The following DLG1 variants were observed in gnomAD, a reference collection of about 807,000 sequenced individuals.
DLG1 encodes the protein disks large homolog 1.
Under a neutral mutation model 123.4 loss-of-function variants are expected in DLG1, and 42 were observed. That is an observed-to-expected ratio of 0.34 (90% CI 0.27 to 0.44). The LOEUF (loss-of-function observed/expected upper bound fraction) is 0.44, where lower values mean the gene tolerates loss of function less well. Among genes scored for constraint, DLG1 ranks in the 20% least tolerant of loss-of-function variants. DLG1 has a pLI of 1.00. For synonymous variants in DLG1, 317 were observed against 356.2 expected, an observed-to-expected ratio of 0.89 and a Z score of 1.24; for missense variants, 942 against 1,082.6, an observed-to-expected ratio of 0.87 and a Z score of 1.82.
At chr3:197,185,046 C>A (rs1022367588) in intron 5 of DLG1, among the ~76,000 whole-genome samples, 2 of 152,182 alleles carry the variant, frequency 1.3e-5, no homozygotes, top group African/African-American at 4.8e-5. Context: ...AACTCCCAAG[C>A]AAGCCCTCTT....
At chr3:197,134,648 T>C (rs1292723144) in intron 10 of DLG1, among the ~76,000 whole-genome samples, 2 of 152,236 alleles carry the variant, frequency 1.3e-5, no homozygotes, top group African/African-American at 2.4e-5. Context: ...ACTACTTTCA[T>C]CTTGTCTCCT....
chr3:197,084,465 C>T (rs1029345602), intron 16 of DLG1, among the ~76,000 whole-genome samples: 5 of 151,960 alleles, frequency 3.3e-5, no homozygotes, highest in Middle Eastern at 3.4e-3. Flanking sequence ...GCGCCCGCCA[C>T]CACACCCAGC....
intron 14 of DLG1, among the ~76,000 whole-genome samples, chr3:197,095,236 T>C (rs1193203184): frequency 6.6e-6 from 1 of 152,186 alleles, no homozygotes; most frequent in African/African-American, 2.4e-5. Context: ...CCTACAGATA[T>C]TTTCCTATAT....
intron 5 of DLG1, among the ~76,000 whole-genome samples, chr3:197,159,046 C>A (rs1418442886): frequency 1.3e-5 from 2 of 152,186 alleles, no homozygotes; most frequent in African/African-American, 4.8e-5. Flanking sequence ...GTCACCTACT[C>A]TGTACTCAGT....
chr3:197,099,885 T>C (rs565580143), intron 14 of DLG1, among the ~76,000 whole-genome samples: 11 of 152,248 alleles, frequency 7.2e-5, no homozygotes, highest in Admixed American at 2.6e-4. Context: ...GTACAATAGC[T>C]CTCTGGCATA....
chr3:197,262,028 G>A (rs1166462194), intron 4 of DLG1, among the ~76,000 whole-genome samples: 1 of 152,192 alleles, frequency 6.6e-6, no homozygotes, highest in African/African-American at 2.4e-5. Context: ...TTCTGTCAGA[G>A]TGCCTAAAAC....
intron 4 of DLG1, among the ~76,000 whole-genome samples, chr3:197,251,572 C>T (rs1386397163): frequency 2.0e-5 from 3 of 152,106 alleles, no homozygotes; most frequent in Admixed American, 6.6e-5. Flanking sequence ...GCTGGGAACA[C>T]TGGATATCCA....
chr3:197,201,348 C>T (rs181873188), intron 4 of DLG1, among the ~76,000 whole-genome samples: 3 of 152,164 alleles, frequency 2.0e-5, no homozygotes, highest in Non-Finnish European at 2.9e-5. Context: ...CGCGCCACTG[C>T]GCTCCAGCCT....
chr3:197,150,417 G>A (rs1356237362), intron 5 of DLG1, among the ~76,000 whole-genome samples: 1 of 151,596 alleles, frequency 6.6e-6, no homozygotes, highest in Non-Finnish European at 1.5e-5. Context: ...AGTTAAGTTT[G>A]GATTGAAAAA....
At chr3:197,130,073 G>C (rs1401592569) in intron 11 of DLG1, among the ~76,000 whole-genome samples, 1 of 152,126 alleles carries the variant, frequency 6.6e-6, no homozygotes, top group Non-Finnish European at 1.5e-5. Flanking sequence ...GCTCAATTCA[G>C]GATTGCCATA....
chr3:197,246,260 A>AG (rs1485925468), intron 4 of DLG1, among the ~76,000 whole-genome samples: 1 of 152,098 alleles, frequency 6.6e-6, no homozygotes, highest in East Asian at 1.9e-4. Flanking sequence ...TTGTTTTGAA[A>AG]GGGGTCCCTT....
At chr3:197,202,925 G>C (rs1353036390) in intron 4 of DLG1, among the ~76,000 whole-genome samples, 1 of 152,158 alleles carries the variant, frequency 6.6e-6, no homozygotes, top group Non-Finnish European at 1.5e-5. Context: ...TGTTAGATTT[G>C]TCTTAACAGT....
chr3:197,223,497 T>C (rs1405793473), intron 4 of DLG1, among the ~76,000 whole-genome samples: 2 of 152,210 alleles, frequency 1.3e-5, no homozygotes, highest in Admixed American at 6.5e-5. Context: ...CAAGGTGGTG[T>C]TTTTATTCCT....
chr3:197,078,187 G>A (rs1395659430), intron 17 of DLG1, among the ~76,000 whole-genome samples: 1 of 150,640 alleles, frequency 6.6e-6, no homozygotes, highest in African/African-American at 2.4e-5. Flanking sequence ...AGTGGTGTGC[G>A]ACTGTAGTCT....
intron 5 of DLG1, among the ~76,000 whole-genome samples, chr3:197,185,712 T>C (rs539522405): frequency 2.0e-5 from 3 of 152,332 alleles, no homozygotes; most frequent in African/African-American, 7.2e-5. Context: ...CCTTGATCCA[T>C]GTCTGATGAA....
intron 4 of DLG1, among the ~76,000 whole-genome samples, chr3:197,243,176 G>T (rs1749836580): frequency 6.6e-6 from 1 of 152,112 alleles, no homozygotes; most frequent in African/African-American, 2.4e-5. Context: ...AATCTAAACT[G>T]ATTCCGACTG....
At chr3:197,168,140 G>A (rs1428648914) in intron 5 of DLG1, among the ~76,000 whole-genome samples, 1 of 152,094 alleles carries the variant, frequency 6.6e-6, no homozygotes, top group African/African-American at 2.4e-5. Flanking sequence ...CTCTGTCTCT[G>A]AGCCTCTTCT....
At chr3:197,229,331 A>C (rs1028757974) in intron 4 of DLG1, among the ~76,000 whole-genome samples, 1 of 151,962 alleles carries the variant, frequency 6.6e-6, no homozygotes, top group Admixed American at 6.6e-5. Context: ...CATCTCTAAA[A>C]AAAATATAAA....
At chr3:197,282,964 T>C in intron 3 of DLG1, 119 bp from the exon 4 acceptor site, 2 of 561,590 alleles carry the variant, frequency 3.6e-6, no homozygotes, top group Middle Eastern at 4.8e-4. Flanking sequence ...TCAATTCCCA[T>C]CGTATAATGT....
Sources: gnomAD v4.1 joint callset for allele counts (sites outside exome capture counted in the v4.1 genomes callset) on GRCh38, gnomAD v4.1.1 for gene constraint, MANE v1.5 for transcripts, NCBI Gene and HGNC (gene_info 2026-07-23, HGNC 2026-07-21) for gene names.